NDRG4: variants seen among roughly 807,000 people sequenced by gnomAD.
The protein encoded by NDRG4 is protein NDRG4.
Under a neutral mutation model 55.8 loss-of-function variants are expected in NDRG4, and 38 were observed. The ratio of observed to expected loss-of-function variants is 0.68; its 90% CI spans 0.53 to 0.89. NDRG4 has a LOEUF of 0.89. Among genes scored for constraint, NDRG4 ranks in the 40% least tolerant of loss-of-function variants. NDRG4 has a pLI of 0.00. For synonymous variants in NDRG4, 190 were observed against 182.7 expected (o/e 1.04, Z -0.32); for missense variants, 455 against 468.6 (o/e 0.97, Z 0.27).
intron 1 of NDRG4, among the ~76,000 whole-genome samples, chr16:58,485,048 A>AT (rs1476924351): frequency 2.0e-5 from 3 of 151,534 alleles, no homozygotes; most frequent in Non-Finnish European, 1.5e-5. Flanking sequence ...TGCCCAGCTA[A>AT]TTTTTTTGTA....
intron 1 of NDRG4, chr16:58,487,743 C>T (rs1313831358): frequency 6.6e-7 from 1 of 1,520,984 alleles, no homozygotes. Context: ...TCAACCTCGC[C>T]CTCCCTCCCT....
chr16:58,500,787 G>T, intron 1 of NDRG4: 1 of 418,598 alleles, frequency 2.4e-6, no homozygotes, highest in Non-Finnish European at 4.2e-6. Context: ...CGGCCGTCTA[G>T]CTTGTTTGGA....
At position 58,507,859 on chromosome 16, in the gene NDRG4, G is replaced by T; in HGVS notation, c.672G>T (p.Thr224=). The T allele has an allele frequency of 6.2e-7, 1 of 1,613,996 alleles. No individual in the cohort carries two copies. The highest frequency in any genetic ancestry group is 8.5e-7 in the Non-Finnish European group (1 of 1,179,986). ...NRPGTVPNAK[T]LRCPVMLVVG... Reference sequence around the variant, plus strand: ...CTGGAACGGTGCCCAATGCCAAGACGCTCCGGTGAGTGGCCCCTGGCCCTC... The same window carrying T: ...CTGGAACGGTGCCCAATGCCAAGACTCTCCGGTGAGTGGCCCCTGGCCCTC... The change falls in exon 9 of 15, where the codon ACG becomes ACT. Residue 224 remains threonine, a synonymous_variant. Transcript: ENST00000570248.
chr16:58,463,955 C>T (rs1596999490), intron 1 of NDRG4: 1 of 153,738 alleles, frequency 6.5e-6, no homozygotes, highest in East Asian at 1.9e-4. Context: ...TCGCTCCCGC[C>T]CCATTTCGCC....
rs192826465 is a variant in NDRG4 at position 58,510,772 on chromosome 16, G to A, written c.904+89G>A. 61 of 1,235,596 alleles carry A rather than the reference G, an allele frequency of 4.9e-5. No homozygotes were observed. In the East Asian group the frequency reaches 6.3e-4, roughly 13 times the overall value. The allele number at this position is 1,235,596 out of a possible 1,614,324, so 76.5% of individuals were successfully genotyped here. A position where few individuals can be genotyped will look rare whatever the true frequency, so the allele number is the denominator to read the frequency against. On this transcript the variant is annotated intron_variant, in intron 14 of 14. Transcript: ENST00000570248. Reference sequence around the variant, plus strand: ...CTGCGCAGTGTGCTGCAGCCAGGCCGCATCTTGCTGTGGTTTGGAACCTTC... The same window carrying A: ...CTGCGCAGTGTGCTGCAGCCAGGCCACATCTTGCTGTGGTTTGGAACCTTC...
At chr16:58,465,583 C>T (rs1313387138) in intron 1 of NDRG4, among the ~76,000 whole-genome samples, 2 of 150,766 alleles carry the variant, frequency 1.3e-5, no homozygotes, top group Non-Finnish European at 3.0e-5. Flanking sequence ...GGGTGGGGTA[C>T]GTTGGGTGAG....
chr16:58,504,545 A>G (rs761766095), intron 4 of NDRG4, 44 bp from the exon 5 acceptor site: 16 of 1,613,368 alleles, frequency 9.9e-6, no homozygotes, highest in Non-Finnish European at 1.4e-5. Flanking sequence ...ATGTATGGGA[A>G]ATGGCACCCC....
rs2151861956 is a variant in NDRG4 at position 58,512,211 on chromosome 16, A to C, written c.*635A>C. The C allele has an allele frequency of 2.4e-6, 1 of 422,120 alleles. No individual in the cohort carries two copies. The highest frequency in any genetic ancestry group is 4.7e-6 in the Non-Finnish European group (1 of 211,024). The allele number at this position is 422,120 out of a possible 1,614,324, so 26.1% of individuals were successfully genotyped here. A position where few individuals can be genotyped will look rare whatever the true frequency, so the allele number is the denominator to read the frequency against. ...ACAGAACATGGAGAACCGTCAGGGC[A>C]GGAACCCCACAGACTGTCCCTTCCA... On this transcript the variant is annotated 3_prime_UTR_variant, in exon 15 of 15. Transcript: ENST00000570248.
chr16:58,507,659 A>G, intron 8 of NDRG4, 149 bp from the exon 9 acceptor site: 1 of 758,416 alleles, frequency 1.3e-6, no homozygotes. Context: ...TAGGGAGTCC[A>G]AAAAGCCGTG....
intron 1 of NDRG4, chr16:58,487,668 C>G (rs1296031479): frequency 9.2e-6 from 10 of 1,091,138 alleles, no homozygotes; most frequent in Non-Finnish European, 1.3e-5. Flanking sequence ...CTGGTTTCCG[C>G]GCTCCCGCCC....
chr16:58,465,109 G>A, intron 1 of NDRG4: 1 of 1,287,076 alleles, frequency 7.8e-7, no homozygotes, highest in South Asian at 1.2e-5. Flanking sequence ...AGGATTCGAG[G>A]AGTGACTTCT....
At chr16:58,506,055 C>T (rs897050357) in intron 5 of NDRG4, 1 of 456,132 alleles carries the variant, frequency 2.2e-6, no homozygotes, top group Non-Finnish European at 4.0e-6. Flanking sequence ...AAAAAAACAA[C>T]ATGCTTAAGA....
chr16:58,498,321 G>A (rs1256217537), upstream of NDRG4, among the ~76,000 whole-genome samples: 1 of 152,158 alleles, frequency 6.6e-6, no homozygotes, highest in East Asian at 1.9e-4. Context: ...TGCTGCCCTG[G>A]GGAGCACAGG....
At chr16:58,478,162 G>A (rs1187658637) in intron 1 of NDRG4, among the ~76,000 whole-genome samples, 1 of 152,130 alleles carries the variant, frequency 6.6e-6, no homozygotes, top group Non-Finnish European at 1.5e-5. Flanking sequence ...AGGCCAAGGT[G>A]GATGGATCAC....
chr16:58,503,562 G>C (rs1419289541), intron 1 of NDRG4: 2 of 782,340 alleles, frequency 2.6e-6, no homozygotes, highest in Admixed American at 2.1e-5. Context: ...TTTGCAGAGA[G>C]GACCAGACCT....
In NDRG4 at chr16:58,494,947, T is replaced by C. The variant is rs747025229; in HGVS notation, c.73-17T>C. The stretch of plus-strand genomic sequence containing the variant: ...CCAGGGCCTAACTTGCCACCCCCTC[T>C]GTTTGCCTTCCCCTAGGAGAGCTCC... On this transcript the variant is annotated splice_polypyrimidine_tract_variant and intron_variant, in intron 2 of 15. Coordinates refer to the NDRG4 transcript ENST00000258187. 7.4e-6 allele frequency: 12 copies of C among 1,613,108 alleles called. No individual in the cohort carries two copies. The African/African-American group carries it at 1.6e-4, about 22-fold the overall frequency.
chr16:58,474,164 G>C (rs2033294109), intron 1 of NDRG4, among the ~76,000 whole-genome samples: 1 of 149,368 alleles, frequency 6.7e-6, no homozygotes, highest in Non-Finnish European at 1.5e-5. Flanking sequence ...AGCCTCCCAA[G>C]TAGCTGGGAT....
Position 58,469,988 on chromosome 16 carries a change from G to A in NDRG4, c.-24+6191G>A, listed in dbSNP as rs556253251. On this transcript the variant is annotated intron_variant, in intron 1 of 15. Transcript: ENST00000258187. ...ACAGATGTTTCAAAACATATTTTTT[G>A]TTGGTTTGTGTTAGAAACATTTTCT... Among the ~76,000 whole-genome samples, 5 of 152,282 alleles carry A rather than the reference G, an allele frequency of 3.3e-5. No individual in the cohort carries two copies. In the South Asian group the frequency reaches 1.0e-3, roughly 32 times the overall value.
At chr16:58,509,118 G>A in intron 11 of NDRG4, 36 bp from the exon 12 acceptor site, 4 of 1,613,966 alleles carry the variant, frequency 2.5e-6, no homozygotes, top group Non-Finnish European at 3.4e-6. Context: ...CTGGAGTGAG[G>A]GCCCTGCTCA....
Sources: allele counts gnomAD v4.1 joint callset (sites outside exome capture counted in the v4.1 genomes callset), GRCh38; gene constraint gnomAD v4.1.1; transcripts MANE v1.5; gene names NCBI Gene and HGNC (gene_info 2026-07-23, HGNC 2026-07-21).